Variants in SLC4A4 observed in about 807,000 individuals in gnomAD.
SLC4A4 encodes solute carrier family 4 member 4, also known as electrogenic sodium bicarbonate cotransporter 1.
Under a neutral mutation model 111.5 loss-of-function variants are expected in SLC4A4, and 27 were observed. The ratio of observed to expected loss-of-function variants is 0.24; its 90% CI spans 0.18 to 0.33. The LOEUF (loss-of-function observed/expected upper bound fraction) is 0.33. Ranked by LOEUF, SLC4A4 falls within the 10% of genes least tolerant of loss-of-function variation. The pLI is 1.00. For synonymous variants in SLC4A4, 443 were observed against 463.4 expected, an observed-to-expected ratio of 0.96 and a Z score of 0.57; for missense variants, 909 against 1,315.5, an observed-to-expected ratio of 0.69 and a Z score of 4.78.
intron 7 of SLC4A4, chr4:71,437,455 A>G: frequency 2.9e-6 from 1 of 345,212 alleles, no homozygotes; most frequent in Non-Finnish European, 5.7e-6. Context: ...TCACTGGACT[A>G]TATCAAGGTG....
chr4:71,531,948 T>C, intron 16 of SLC4A4, 114 bp from the exon 17 acceptor site: 1 of 708,572 alleles, frequency 1.4e-6, no homozygotes, highest in Non-Finnish European at 2.6e-6. Flanking sequence ...AATTTGTTGA[T>C]GAAGCTGTTG....
chr4:71,365,848 A>G (rs1165295825), intron 6 of SLC4A4, among the ~76,000 whole-genome samples: 1 of 152,242 alleles, frequency 6.6e-6, no homozygotes, highest in Non-Finnish European at 1.5e-5. Flanking sequence ...CCTGAAAGTC[A>G]GAAATATAAA....
At chr4:71,106,083 A>C (rs1560722311) in intron 2 of SLC4A4, among the ~76,000 whole-genome samples, 1 of 148,488 alleles carries the variant, frequency 6.7e-6, no homozygotes, top group Non-Finnish European at 1.5e-5. Flanking sequence ...CAAGAAAAAA[A>C]CAAACAACCC....
intron 2 of SLC4A4, among the ~76,000 whole-genome samples, chr4:71,248,323 G>C (rs1268323429): frequency 6.6e-6 from 1 of 151,872 alleles, no homozygotes; most frequent in East Asian, 1.9e-4. Context: ...GACACAGTGG[G>C]AGACTATGTT....
chr4:71,286,135 G>A (rs927297245), intron 3 of SLC4A4, among the ~76,000 whole-genome samples: 4 of 152,188 alleles, frequency 2.6e-5, no homozygotes, highest in African/African-American at 9.7e-5. Flanking sequence ...AGCTACCAGG[G>A]AGGCTGAGGC....
chr4:71,481,594 T>A (rs1728885415), intron 14 of SLC4A4, among the ~76,000 whole-genome samples: 1 of 151,776 alleles, frequency 6.6e-6, no homozygotes, highest in Admixed American at 6.6e-5. Context: ...AAATGCCTAG[T>A]GTTCCATTAT....
intron 3 of SLC4A4, among the ~76,000 whole-genome samples, chr4:71,322,746 C>T (rs1727213049): frequency 6.6e-6 from 1 of 151,926 alleles, no homozygotes; most frequent in South Asian, 2.1e-4. Context: ...GTGGTTATAA[C>T]ATGCACAAGA....
intron 2 of SLC4A4, among the ~76,000 whole-genome samples, chr4:71,096,936 T>A (rs548617990): frequency 6.6e-6 from 1 of 152,206 alleles, no homozygotes; most frequent in Admixed American, 6.5e-5. Context: ...TATGAATTAG[T>A]GGATTGTATA....
chr4:71,181,919 G>A (rs1439067841), intron 2 of SLC4A4, among the ~76,000 whole-genome samples: 1 of 152,126 alleles, frequency 6.6e-6, no homozygotes, highest in African/African-American at 2.4e-5. Context: ...TTCCTTTTGA[G>A]GTGAAAGGGA....
At chr4:71,513,387 G>T (rs1021515509) in intron 16 of SLC4A4, among the ~76,000 whole-genome samples, 1 of 151,760 alleles carries the variant, frequency 6.6e-6, no homozygotes, top group African/African-American at 2.4e-5. Flanking sequence ...TTATTGTATT[G>T]TATCTCTTGT....
At chr4:71,436,652 C>T (rs34364483) in intron 7 of SLC4A4, among the ~76,000 whole-genome samples, 29,998 of 152,168 alleles carry the variant, frequency 0.2, 3,289 homozygotes, top group South Asian at 0.42. Context: ...AGACCAAAGT[C>T]AGTGCTGGCT....
chr4:71,146,236 G>T (rs1370771681), intron 2 of SLC4A4, among the ~76,000 whole-genome samples: 2 of 152,156 alleles, frequency 1.3e-5, no homozygotes, highest in African/African-American at 4.8e-5. Context: ...AGGTTGTTCA[G>T]TTTCCATGTA....
intron 14 of SLC4A4, among the ~76,000 whole-genome samples, chr4:71,474,135 G>C (rs1175114236): frequency 1.3e-5 from 2 of 148,822 alleles, no homozygotes; most frequent in Non-Finnish European, 3.0e-5. Context: ...AAAAAAAAAA[G>C]AGAAAGGGAT....
At chr4:71,132,274 A>G (rs1326269709) in intron 2 of SLC4A4, among the ~76,000 whole-genome samples, 1 of 152,138 alleles carries the variant, frequency 6.6e-6, no homozygotes, top group Non-Finnish European at 1.5e-5. Context: ...GTAAGCTATT[A>G]TTAATCCACC....
intron 14 of SLC4A4, 22 bp from the exon 15 acceptor site, chr4:71,486,926 A>C: frequency 1.3e-6 from 2 of 1,518,578 alleles, no homozygotes; most frequent in Non-Finnish European, 1.8e-6. Context: ...TATAGTATAA[A>C]ATAATTATCT....
chr4:71,546,293 G>C, intron 18 of SLC4A4, 57 bp from the exon 19 acceptor site: 1 of 1,437,352 alleles, frequency 7.0e-7, no homozygotes, highest in South Asian at 1.1e-5. Context: ...CTGGAAATAT[G>C]ACTAGATAGC....
At chr4:71,464,529 T>A (rs1417336908) in intron 12 of SLC4A4, among the ~76,000 whole-genome samples, 1 of 152,170 alleles carries the variant, frequency 6.6e-6, no homozygotes, top group Non-Finnish European at 1.5e-5. Flanking sequence ...CCTACATCCA[T>A]GTAAATGGAA....
chr4:71,117,833 T>C (rs765729242), intron 2 of SLC4A4, among the ~76,000 whole-genome samples: 10 of 152,134 alleles, frequency 6.6e-5, no homozygotes, highest in Non-Finnish European at 1.2e-4. Flanking sequence ...CTTTGTCCTA[T>C]GCAAAATCCA....
intron 12 of SLC4A4, among the ~76,000 whole-genome samples, chr4:71,459,156 G>T (rs1308460528): frequency 6.6e-6 from 1 of 151,900 alleles, no homozygotes; most frequent in South Asian, 2.1e-4. Flanking sequence ...TATTTGGTGG[G>T]TTTTTTTATT....
Sources: gnomAD v4.1 joint callset for allele counts (sites outside exome capture counted in the v4.1 genomes callset) on GRCh38, gnomAD v4.1.1 for gene constraint, MANE v1.5 for transcripts, NCBI Gene and HGNC (gene_info 2026-07-23, HGNC 2026-07-21) for gene names.